Variants in SKAP1 observed in about 807,000 individuals in gnomAD.
SKAP1 encodes src kinase-associated phosphoprotein 1.
SKAP1 carries 44 observed loss-of-function variants against 58.5 expected under a neutral mutation model. The ratio of observed to expected loss-of-function variants is 0.75; its 90% CI spans 0.59 to 0.97. The LOEUF is 0.97. SKAP1 is among the 50% of genes least tolerant of loss of function. The pLI, the probability that SKAP1 is intolerant of heterozygous loss-of-function variation, is 0.00. For synonymous variants in SKAP1, 127 were observed against 149.7 expected (o/e 0.85, Z 1.11); for missense variants, 390 against 435.2 (o/e 0.90, Z 0.92).
intron 4 of SKAP1, among the ~76,000 whole-genome samples, chr17:48,272,662 C>A (rs2065648179): frequency 6.6e-6 from 1 of 151,846 alleles, no homozygotes; most frequent in South Asian, 2.1e-4. Flanking sequence ...CTCAAGTGAT[C>A]CTCCTGCCTT....
intron 4 of SKAP1, 35 bp downstream of exon 4, chr17:48,345,870 G>T: frequency 7.1e-7 from 1 of 1,411,052 alleles, no homozygotes. Context: ...AATGAAGTAT[G>T]GTAGTCACCC....
At chr17:48,275,751 C>T (rs531303323) in intron 4 of SKAP1, among the ~76,000 whole-genome samples, 10 of 152,180 alleles carry the variant, frequency 6.6e-5, no homozygotes, top group South Asian at 2.1e-4. Flanking sequence ...GTTGTTGTTG[C>T]TGCTGCTGCT....
chr17:48,206,723 A>G (rs1328838315), intron 4 of SKAP1, among the ~76,000 whole-genome samples: 1 of 152,172 alleles, frequency 6.6e-6, no homozygotes, highest in Non-Finnish European at 1.5e-5. Flanking sequence ...AGTGTGGAAG[A>G]GACACATCAG....
At chr17:48,200,210 T>G (rs925069733) in intron 4 of SKAP1, among the ~76,000 whole-genome samples, 1 of 150,998 alleles carries the variant, frequency 6.6e-6, no homozygotes, top group Non-Finnish European at 1.5e-5. Context: ...GGCAGGAGAA[T>G]TGCTTGAACC....
At chr17:48,389,969 A>C (rs188548505) in intron 2 of SKAP1, among the ~76,000 whole-genome samples, 2 of 152,362 alleles carry the variant, frequency 1.3e-5, no homozygotes, top group East Asian at 3.9e-4. Context: ...TAAAAAAATA[A>C]TTCCAAACAA....
the SKAP1 span, among the ~76,000 whole-genome samples, chr17:48,436,658 A>G: frequency 6.6e-6 from 1 of 152,000 alleles, no homozygotes; most frequent in Non-Finnish European, 1.5e-5. Context: ...CTTAAAAACC[A>G]AGATCTTCCT....
intron 4 of SKAP1, among the ~76,000 whole-genome samples, chr17:48,286,425 T>C (rs8076655): frequency 0.21 from 31,569 of 152,218 alleles, 3,280 homozygotes; most frequent in Admixed American, 0.22. Flanking sequence ...GATTTCATTA[T>C]GTAATTCCTC....
chr17:48,366,551 A>G (rs919296028), intron 2 of SKAP1, among the ~76,000 whole-genome samples: 8 of 152,192 alleles, frequency 5.3e-5, no homozygotes, highest in African/African-American at 1.9e-4. Flanking sequence ...GCAGGGGCAT[A>G]TGTAAGCTGA....
chr17:48,403,820 G>A lies in SKAP1; in HGVS notation c.47-7035C>T, dbSNP rs2067533287. Among the ~76,000 whole-genome samples the A allele has an allele frequency of 3.9e-5, 6 of 152,026 alleles. No homozygotes were observed. In the South Asian group the frequency reaches 1.2e-3, roughly 32 times the overall value. On this transcript the variant is annotated intron_variant, in intron 1 of 12. Transcript: ENST00000336915. The stretch of plus-strand genomic sequence containing the variant: ...TCTAGATCACAGCCGGGCACAGTGG[G>A]TAACGCCTGTAATCCCAGCACTTTG...
At chr17:48,339,548 T>C (rs945773416) in intron 4 of SKAP1, among the ~76,000 whole-genome samples, 6 of 152,118 alleles carry the variant, frequency 3.9e-5, no homozygotes, top group African/African-American at 1.4e-4. Flanking sequence ...TCTACTAGGG[T>C]CCTATTGGTG....
At chr17:48,213,941 C>T (rs1245164535) in intron 4 of SKAP1, among the ~76,000 whole-genome samples, 3 of 152,084 alleles carry the variant, frequency 2.0e-5, no homozygotes, top group Non-Finnish European at 2.9e-5. Flanking sequence ...GACTCTGAGC[C>T]AACTGCTGCT....
chr17:48,336,712 T>C (rs1278981434), intron 4 of SKAP1, among the ~76,000 whole-genome samples: 1 of 150,458 alleles, frequency 6.6e-6, no homozygotes, highest in Non-Finnish European at 1.5e-5. Flanking sequence ...AAATGAGATA[T>C]TAGTAAGAAT....
At chr17:48,154,896 T>TA (rs1291353300) in intron 11 of SKAP1, among the ~76,000 whole-genome samples, 1 of 151,488 alleles carries the variant, frequency 6.6e-6, no homozygotes, top group East Asian at 2.0e-4. Context: ...CCATCTCTAC[T>TA]AAAAATACAA....
intron 1 of SKAP1, among the ~76,000 whole-genome samples, chr17:48,406,538 G>A (rs1267056438): frequency 2.0e-5 from 3 of 149,084 alleles, no homozygotes; most frequent in African/African-American, 5.0e-5. Context: ...CAAGTAGCCG[G>A]GACTAAAGGC....
chr17:48,436,563 C>T, the SKAP1 span, among the ~76,000 whole-genome samples: 4,475 of 152,220 alleles, frequency 0.029, 244 homozygotes, highest in African/African-American at 0.1. Context: ...CACTCTCTTA[C>T]ACCACCTTTG....
chr17:48,241,718 C>A (rs1041426387), intron 4 of SKAP1, among the ~76,000 whole-genome samples: 8 of 152,148 alleles, frequency 5.3e-5, no homozygotes, highest in Non-Finnish European at 7.3e-5. Context: ...TATAAAACAT[C>A]TAATAGTAGA....
At chr17:48,148,006 C>T (rs1187933475) in intron 11 of SKAP1, among the ~76,000 whole-genome samples, 1 of 151,944 alleles carries the variant, frequency 6.6e-6, no homozygotes, top group African/African-American at 2.4e-5. Flanking sequence ...CTCCACAAAG[C>T]GCACCCTGAG....
At chr17:48,398,167 A>G (rs2067445510) in intron 1 of SKAP1, among the ~76,000 whole-genome samples, 1 of 152,196 alleles carries the variant, frequency 6.6e-6, no homozygotes, top group Non-Finnish European at 1.5e-5. Context: ...GCAGCAGATG[A>G]GCAAGTGAAG....
chr17:48,379,682 C>CTTTTT (rs397856911), intron 2 of SKAP1, among the ~76,000 whole-genome samples: 17 of 124,048 alleles, frequency 1.4e-4, no homozygotes, highest in African/African-American at 5.0e-4. Context: ...GTATCTTCTT[C>CTTTTT]TTTTTTTTTT....
Sources: allele counts gnomAD v4.1 joint callset (sites outside exome capture counted in the v4.1 genomes callset), GRCh38; gene constraint gnomAD v4.1.1; transcripts MANE v1.5; gene names NCBI Gene and HGNC (gene_info 2026-07-23, HGNC 2026-07-21).